Variants in TCF25 observed in about 807,000 individuals in gnomAD.
TCF25 encodes the protein TCF25 ribosome quality control complex subunit, also known as ribosome quality control complex subunit TCF25.
A neutral mutation model predicts 83.1 loss-of-function variants in TCF25; 41 were observed. The ratio of observed to expected loss-of-function variants is 0.49; its 90% CI spans 0.38 to 0.64. The LOEUF is 0.64. Ranked by LOEUF, TCF25 falls within the 30% of genes least tolerant of loss-of-function variation. The pLI, the probability that TCF25 is intolerant of heterozygous loss-of-function variation, is 0.00. For missense variants in TCF25, 979 were observed against 914.5 expected (o/e 1.07, Z -0.91); for synonymous variants, 458 against 365.0 (o/e 1.25, Z -2.90).
chr16:89,875,166 C>T (rs1001326464), intron 1 of TCF25, among the ~76,000 whole-genome samples: 2 of 152,136 alleles, frequency 1.3e-5, no homozygotes, highest in African/African-American at 4.8e-5. Flanking sequence ...TGCTTGGCCC[C>T]GTAAGTCTTT....
At chr16:89,896,512 G>C (rs1404500780) in intron 9 of TCF25, among the ~76,000 whole-genome samples, 1 of 151,636 alleles carries the variant, frequency 6.6e-6, no homozygotes, top group African/African-American at 2.4e-5. Context: ...GTCAAGACCA[G>C]TCTGAGCACC....
intron 6 of TCF25, 60 bp downstream of exon 6, chr16:89,892,335 C>A (rs2043494079): frequency 6.4e-7 from 1 of 1,552,488 alleles, no homozygotes; most frequent in East Asian, 2.4e-5. Flanking sequence ...TGTGCACTGG[C>A]CCCGGTACAG....
chr16:89,910,923 G>A (rs1033950164), intron 17 of TCF25, among the ~76,000 whole-genome samples, 157 bp from the exon 18 acceptor site: 2 of 152,228 alleles, frequency 1.3e-5, no homozygotes, highest in African/African-American at 4.8e-5. Context: ...ACGGCATTTG[G>A]TTTTGAGAGC....
rs750255134 is a variant in TCF25 at position 89,911,119 on chromosome 16, C to G, written c.1912C>G (p.Arg638Gly). 3 of 1,611,582 alleles carry G rather than the reference C, an allele frequency of 1.9e-6. No homozygotes were observed. Among genetic ancestry groups the G allele is most frequent in the East Asian group, 2.2e-5 (1 of 44,872 alleles). ...PEEGVAGGLN[R>G]NQGLNRLMLA... is the part of the protein sequence containing the mutation. ...GGAAGGAGTGGCTGGGGGTCTGAAC[C>G]GCAACCAGGGCCTGAACAGGCTGAT... Residue 638 changes from arginine to glycine, a missense_variant, in exon 18 of 18, where the codon CGC becomes GGC. By Grantham distance (125) the Arg-to-Gly change is moderately radical (BLOSUM62 -2). Coordinates refer to ENST00000263346, the MANE Select transcript of TCF25 (RefSeq NM_014972.3).
chr16:89,875,682 C>G (rs1257884130), intron 1 of TCF25, among the ~76,000 whole-genome samples: 1 of 151,684 alleles, frequency 6.6e-6, no homozygotes, highest in Non-Finnish European at 1.5e-5. Context: ...GCCACCACGC[C>G]TGGCTAATTT....
intron 1 of TCF25, among the ~76,000 whole-genome samples, chr16:89,881,527 G>C (rs1213089896): frequency 1.1e-5 from 1 of 94,998 alleles, no homozygotes; most frequent in Admixed American, 9.5e-5. Flanking sequence ...CTCACTCCAG[G>C]TTCCAGATTC....
At chr16:89,874,840 C>A (rs902114596) in intron 1 of TCF25, 3 of 151,726 alleles carry the variant, frequency 2.0e-5, no homozygotes, top group African/African-American at 7.3e-5. Flanking sequence ...TCTAGAACTT[C>A]TGCGCTCAAA....
Position 89,904,214 on chromosome 16 carries a change from T to C in TCF25, c.1469+9T>C, listed in dbSNP as rs565943370. The C allele has an allele frequency of 3.1e-5, 49 of 1,557,792 alleles. No individual in the cohort carries two copies. In the East Asian group the frequency reaches 1.1e-3, roughly 35 times the overall value. On this transcript the variant is annotated intron_variant, in intron 13 of 17. Transcript: ENST00000263346. ...CCCAATGCTGAAATAAGGTAAAGAG[T>C]GGCTGGTGGTGCCCATCTGTGGGTG...
In TCF25 at chr16:89,910,582, T is replaced by C. The variant is rs778647271; in HGVS notation, c.1800-9T>C. ...GTGTCGTTTCTGACTTTTCTTGACT[T>C]TCTTTCAGGCTAAGTCCTATCAGCC... is the stretch of plus-strand genomic sequence containing the variant. On this transcript the variant is annotated splice_polypyrimidine_tract_variant and intron_variant, in intron 16 of 17. Transcript: ENST00000263346. 3 of 1,613,526 alleles carry C rather than the reference T, an allele frequency of 1.9e-6. No homozygotes were observed. In the South Asian group the frequency reaches 3.3e-5, roughly 18 times the overall value.
At chr16:89,886,147 G>T (rs2043001081) in intron 4 of TCF25, 181 bp downstream of exon 4, 4 of 632,746 alleles carry the variant, frequency 6.3e-6, no homozygotes, top group East Asian at 3.2e-5. Context: ...GAGTTTATTG[G>T]CTGGGCGTGG....
At chr16:89,876,992 C>T (rs559097284) in intron 1 of TCF25, among the ~76,000 whole-genome samples, 4 of 148,770 alleles carry the variant, frequency 2.7e-5, no homozygotes, top group African/African-American at 7.5e-5. Context: ...ATCCCAGCTA[C>T]TTGGGAGGCT....
At chr16:89,910,975 C>T (rs1015660962) in intron 17 of TCF25, 105 bp from the exon 18 acceptor site, 2 of 1,488,796 alleles carry the variant, frequency 1.3e-6, no homozygotes, top group Admixed American at 3.9e-5. Context: ...GGGTCCGGTG[C>T]TGGGGCAAGG....
rs770489408 is a variant in TCF25, at chr16:89,885,905, T to C, written c.487T>C (p.Leu163=). The C allele has an allele frequency of 1.9e-5, 30 of 1,613,968 alleles. No individual in the cohort carries two copies. Among genetic ancestry groups the C allele is most frequent in the African/African-American group, 2.7e-5 (2 of 74,894 alleles). Residue 163 remains leucine, a synonymous_variant, in exon 4 of 18, where the codon TTG becomes CTG. Transcript: ENST00000263346. ...ILERIEDSTG[L]NRPGPAPLSS... ...AGAGAGGATTGAGGACAGCACTGGGTTGAACCGTCCCGGCCCAGCTCCCCT... is the reference window on the plus strand; with the variant it reads ...AGAGAGGATTGAGGACAGCACTGGGCTGAACCGTCCCGGCCCAGCTCCCCT...
At chr16:89,901,259 C>A (rs962369791) in intron 12 of TCF25, among the ~76,000 whole-genome samples, 1 of 152,264 alleles carries the variant, frequency 6.6e-6, no homozygotes, top group African/African-American at 2.4e-5. Flanking sequence ...AGCTTCGATC[C>A]ACGCACATGT....
chr16:89,906,493 T>C (rs955500268), intron 15 of TCF25, among the ~76,000 whole-genome samples: 2 of 152,034 alleles, frequency 1.3e-5, no homozygotes, highest in Admixed American at 6.5e-5. Flanking sequence ...GAGAAATCCT[T>C]TGGGGCTCAG....
chr16:89,895,876 C>G, intron 8 of TCF25, 114 bp from the exon 9 acceptor site: 1 of 897,078 alleles, frequency 1.1e-6, no homozygotes, highest in Non-Finnish European at 1.7e-6. Flanking sequence ...GTGTCCAGGA[C>G]TCTAGTTTCG....
At chr16:89,886,726 C>T (rs1035588756) in intron 4 of TCF25, among the ~76,000 whole-genome samples, 3 of 151,768 alleles carry the variant, frequency 2.0e-5, no homozygotes, top group Non-Finnish European at 2.9e-5. Context: ...TGTGCCACTG[C>T]ACTCCAGCCT....
rs752641237 is a variant in TCF25 at position 89,894,000 on chromosome 16, G to T, written c.828+142G>T. The T allele has an allele frequency of 7.2e-6, 9 of 1,250,074 alleles. No homozygotes were observed. In the African/African-American group the frequency reaches 1.2e-4, roughly 17 times the overall value. 77.4% of individuals were successfully genotyped at this position (1,250,074 alleles called of 1,614,324 possible). ...GAAGGGTGCCAGTCTCTGCAGGGCG[G>T]TCTGGCCCTGTGACCAGAAGGAGAT... On this transcript the variant is annotated intron_variant, in intron 7 of 17. Coordinates refer to ENST00000263346, the MANE Select transcript of TCF25 (RefSeq NM_014972.3).
intron 1 of TCF25, among the ~76,000 whole-genome samples, chr16:89,879,425 G>C (rs1489477132): frequency 7.0e-6 from 1 of 142,234 alleles, no homozygotes; most frequent in Non-Finnish European, 1.5e-5. Flanking sequence ...ACACAGATGG[G>C]CTTCGGGGCC....
Sources: allele counts gnomAD v4.1 joint callset (sites outside exome capture counted in the v4.1 genomes callset), GRCh38; gene constraint gnomAD v4.1.1; transcripts MANE v1.5; gene names NCBI Gene and HGNC (gene_info 2026-07-23, HGNC 2026-07-21).